The following RUVBL2 variants were observed in gnomAD, a reference collection of about 807,000 sequenced individuals.
The protein encoded by RUVBL2 is RuvB like AAA ATPase 2, also known as ruvB-like 2.
RUVBL2 carries 9 observed loss-of-function variants against 57.9 expected under a neutral mutation model. The ratio of observed to expected loss-of-function variants is 0.16; its 90% CI spans 0.09 to 0.27. RUVBL2 has a LOEUF of 0.27. RUVBL2 is among the 10% of genes least tolerant of loss of function. RUVBL2 has a pLI of 1.00. For missense variants in RUVBL2, 456 were observed against 669.6 expected (o/e 0.68, Z 3.52); for synonymous variants, 278 against 264.6 (o/e 1.05, Z -0.49).
chr19:49,014,367 G>A, intron 11 of RUVBL2, 117 bp from the exon 12 acceptor site: 1 of 1,259,722 alleles, frequency 7.9e-7, no homozygotes, highest in Non-Finnish European at 1.1e-6. Context: ...GCGAGCTAAA[G>A]GTTAAGTGGT....
In RUVBL2 at chr19:49,011,440, C is replaced by T. The variant is rs974558918; in HGVS notation, c.1001+130C>T. 2.8e-6 allele frequency: 2 copies of T among 707,954 alleles called. No individual in the cohort carries two copies. Among genetic ancestry groups the T allele is most frequent in the Non-Finnish European group, 4.8e-6 (2 of 416,010 alleles). 43.9% of individuals were successfully genotyped at this position (707,954 alleles called of 1,614,324 possible). On this transcript the variant is annotated intron_variant, in intron 11 of 14. Transcript: ENST00000595090. This position sits in a 1 kb window ranked among gnomAD's most constrained non-coding sequence, Gnocchi z 4.4. ...GCGTGACTGCAGTGTGCGCTCTTTG[C>T]TTACAAAAGGCGGGTGGGAGGCAGC...
intron 6 of RUVBL2, among the ~76,000 whole-genome samples, chr19:49,008,994 A>G (rs2039342511): frequency 6.6e-6 from 1 of 150,896 alleles, no homozygotes; most frequent in Non-Finnish European, 1.5e-5. Flanking sequence ...ATAAATAAAT[A>G]ATAAAAACAC....
Position 49,009,881 on chromosome 19 carries a change from G to C in RUVBL2, c.568G>C (p.Gly190Arg), listed in dbSNP as rs2039371861. The change falls in exon 7 of 15, where the codon GGG becomes CGG. Residue 190 changes from glycine to arginine, a missense_variant and splice_region_variant. Gly to Arg is a moderately radical substitution (Grantham distance 125). Coordinates refer to ENST00000595090, the MANE Select transcript of RUVBL2 (RefSeq NM_006666.3). ...CCTGACCAAGGACAAGGTCCAGGCC[G>C]GGTGAGCAGTCAGGGGCCATGCCAG... ...ESLTKDKVQAGDVITIDKATG... is the reference protein window; with the variant it reads ...ESLTKDKVQARDVITIDKATG... 1 of 1,613,936 alleles carries C rather than the reference G, an allele frequency of 6.2e-7. No individual in the cohort carries two copies. Among genetic ancestry groups the C allele is most frequent in the Non-Finnish European group, 8.5e-7 (1 of 1,179,908 alleles).
At chr19:48,997,031 A>G (rs940744576) in intron 1 of RUVBL2, among the ~76,000 whole-genome samples, 5 of 151,800 alleles carry the variant, frequency 3.3e-5, no homozygotes, top group Non-Finnish European at 4.4e-5. Flanking sequence ...TCACCCATTT[A>G]AAGTATACAG....
At chr19:49,003,437 GA>G in intron 3 of RUVBL2, 103 bp downstream of exon 3, 1 of 1,058,730 alleles carries the variant, frequency 9.4e-7, no homozygotes, top group Non-Finnish European at 1.4e-6. Flanking sequence ...CGGTCTTCTG[GA>G]CCTTTGGCTA....
chr19:49,015,975 C>T (rs2039543181), downstream of RUVBL2: 2 of 1,614,076 alleles, frequency 1.2e-6, no homozygotes, highest in African/African-American at 2.7e-5. Context: ...AAGACACCTC[C>T]AGAGTGCGGA....
intron 4 of RUVBL2, among the ~76,000 whole-genome samples, chr19:49,006,487 C>T (rs1014264120): frequency 3.9e-5 from 6 of 152,240 alleles, no homozygotes; most frequent in Admixed American, 3.3e-4. Context: ...GGTGTCATCC[C>T]ATGCTGGCAC....
At chr19:48,999,500 A>T in intron 2 of RUVBL2, 127 bp downstream of exon 2, 1 of 919,882 alleles carries the variant, frequency 1.1e-6, no homozygotes, top group Non-Finnish European at 1.8e-6. Context: ...CCCCACTACC[A>T]TTCCCCCACT....
chr19:48,999,720 C>T (rs1317140794), intron 2 of RUVBL2, among the ~76,000 whole-genome samples: 2 of 152,132 alleles, frequency 1.3e-5, no homozygotes, highest in Non-Finnish European at 2.9e-5. Context: ...GGGACGAGGT[C>T]GTGTCATTCC....
chr19:49,010,467 T>TGCGG, intron 8 of RUVBL2, 21 bp from the exon 9 acceptor site: 8 of 1,401,188 alleles, frequency 5.7e-6, no homozygotes, highest in Non-Finnish European at 7.9e-6. Flanking sequence ...CCGCCGTTCT[T>TGCGG]CCCCCACCCC....
At chr19:49,010,701 G>C in intron 9 of RUVBL2, 90 bp downstream of exon 9, 2 of 1,551,206 alleles carry the variant, frequency 1.3e-6, no homozygotes, top group Non-Finnish European at 1.7e-6. Flanking sequence ...TCCGAGTGTG[G>C]CCCACCTGCT....
At chr19:48,999,481 C>A in intron 2 of RUVBL2, 108 bp downstream of exon 2, 2 of 1,093,386 alleles carry the variant, frequency 1.8e-6, no homozygotes, top group Non-Finnish European at 2.8e-6. Context: ...GCCTGCACAC[C>A]AACTGTGCCC....
chr19:49,013,280 T>G lies in RUVBL2; in HGVS notation c.1002-1204T>G, dbSNP rs969525674. ...TCCGGCCTAATTTTTTTTTTTTTTT[T>G]GTAGAGATGGTGTTTTGCCATGTTG... On this transcript the variant is annotated intron_variant, in intron 11 of 14. Coordinates refer to ENST00000595090, the MANE Select transcript of RUVBL2 (RefSeq NM_006666.3). Among the ~76,000 whole-genome samples the G allele has an allele frequency of 2.0e-5, 3 of 151,086 alleles. No individual in the cohort carries two copies. The East Asian group carries it at 5.9e-4, about 29-fold the overall frequency.
At chr19:49,014,871 G>C in intron 12 of RUVBL2, 150 bp from the exon 13 acceptor site, 3 of 1,217,852 alleles carry the variant, frequency 2.5e-6, no homozygotes, top group Non-Finnish European at 3.4e-6. Context: ...CCCTGTCTCC[G>C]TGGCTCTTCT....
At position 49,009,995 on chromosome 19, in the gene RUVBL2, G is replaced by A; in HGVS notation, c.592G>A (p.Ala198Thr). ...TAGGGACGTGATCACCATCGACAAGGCGACGGGCAAGATCTCCAAGCTGGG... is the reference window on the plus strand; with the variant it reads ...TAGGGACGTGATCACCATCGACAAGACGACGGGCAAGATCTCCAAGCTGGG... ...QAGDVITIDK[A>T]TGKISKLGRS... The change falls in exon 8 of 15, where the codon GCG becomes ACG. Residue 198 changes from alanine (A) to threonine (T), a missense_variant. Ala to Thr is a moderately conservative substitution (Grantham distance 58). Coordinates refer to ENST00000595090, the MANE Select transcript of RUVBL2 (RefSeq NM_006666.3). 1 of 1,591,634 alleles carries A rather than the reference G, an allele frequency of 6.3e-7. No individual in the cohort carries two copies. Among genetic ancestry groups the A allele is most frequent in the Non-Finnish European group, 8.6e-7 (1 of 1,166,448 alleles).
chr19:48,993,898 A>G lies in RUVBL2; in HGVS notation c.-14A>G, dbSNP rs3764618. ...TTTCCGTTTCCGCTAGGACTCTGGC[A>G]GTTGGTGAGCATCATGGCAACCGTT... On this transcript the variant is annotated 5_prime_UTR_variant, in exon 1 of 15. Transcript: ENST00000595090. 126,410 of 1,613,558 alleles carry G rather than the reference A, an allele frequency of 0.078. 5,504 individuals carry two copies. Among genetic ancestry groups the G allele is most frequent in the Admixed American group, 0.14 (8,576 of 59,972 alleles).
chr19:49,011,897 G>A lies in RUVBL2; in HGVS notation c.1001+587G>A, dbSNP rs76093417. Among the ~76,000 whole-genome samples, 1 of 115,660 alleles carries A rather than the reference G, an allele frequency of 8.6e-6. No homozygotes were observed. The highest frequency in any genetic ancestry group is 2.7e-4 in the East Asian group (1 of 3,638). 75.9% of individuals were successfully genotyped at this position (115,660 alleles called of 152,430 possible). On this transcript the variant is annotated intron_variant, in intron 11 of 14. Coordinates refer to ENST00000595090, the MANE Select transcript of RUVBL2 (RefSeq NM_006666.3). The surrounding 1 kb of genome is among the most constrained non-coding windows in gnomAD (Gnocchi z 4.4). ...CCTGTGACACAGAGGGTACTGTGCT[G>A]TGCTGAAGCCTGGGAACCTCGTCTC...
chr19:49,015,206 C>T (rs559771510), intron 13 of RUVBL2, 56 bp downstream of exon 13: 1 of 1,577,998 alleles, frequency 6.3e-7, no homozygotes, highest in African/African-American at 1.4e-5. Context: ...TGACACAGTA[C>T]TTCAGGGGCT....
upstream of RUVBL2, chr19:48,993,501 G>A (rs2122554464): frequency 2.3e-6 from 1 of 429,784 alleles, no homozygotes; most frequent in Admixed American, 3.6e-5. Context: ...GCTTGCCGCT[G>A]CGCTTTACGG....
Sources: gnomAD v4.1 joint callset for allele counts (sites outside exome capture counted in the v4.1 genomes callset) on GRCh38, gnomAD v4.1.1 for gene constraint, Gnocchi (gnomAD v3.1) non-coding constraint, MANE v1.5 for transcripts, NCBI Gene and HGNC (gene_info 2026-07-23, HGNC 2026-07-21) for gene names.